EIF4G3: variants seen among roughly 807,000 people sequenced by gnomAD.
EIF4G3 encodes eukaryotic translation initiation factor 4 gamma 3, also known as eIF-4-gamma 3.
A neutral mutation model predicts 186.4 loss-of-function variants in EIF4G3; 34 were observed. The observed-to-expected ratio is 0.18, with a 90% CI of 0.14 to 0.24. The LOEUF (loss-of-function observed/expected upper bound fraction) is 0.24. Among genes scored for constraint, EIF4G3 ranks in the 10% least tolerant of loss-of-function variants. The probability of loss-of-function intolerance (pLI) is 1.00; values close to 1 mark genes in which losing one functional copy is unlikely to be tolerated. For missense variants in EIF4G3, 1,536 were observed against 1,948.5 expected, an observed-to-expected ratio of 0.79 and a Z score of 3.99; for synonymous variants, 673 against 679.5, an observed-to-expected ratio of 0.99 and a Z score of 0.15.
intron 4 of EIF4G3, among the ~76,000 whole-genome samples, chr1:21,021,555 CTTTT>C (rs939395025): frequency 6.6e-6 from 1 of 151,068 alleles, no homozygotes; most frequent in Non-Finnish European, 1.5e-5. Context: ...TTCTTTCTTT[CTTTT>C]TTTTTCTTTA....
intron 4 of EIF4G3, among the ~76,000 whole-genome samples, chr1:21,040,667 T>G (rs924010107): frequency 6.6e-6 from 1 of 152,210 alleles, no homozygotes; most frequent in Non-Finnish European, 1.5e-5. Flanking sequence ...ATTTGACCAA[T>G]GAATTGAGAT....
At chr1:20,930,146 A>G (rs557986467) in intron 14 of EIF4G3, among the ~76,000 whole-genome samples, 34 of 152,328 alleles carry the variant, frequency 2.2e-4, no homozygotes, top group African/African-American at 7.9e-4. Flanking sequence ...GCCCTCAGCA[A>G]GGTGTAATCT....
intron 7 of EIF4G3, among the ~76,000 whole-genome samples, chr1:20,982,812 G>C (rs1422600384): frequency 1.3e-5 from 2 of 152,084 alleles, no homozygotes; most frequent in African/African-American, 4.8e-5. Flanking sequence ...TGCCATCTGT[G>C]TCATTTGTTA....
intron 3 of EIF4G3, among the ~76,000 whole-genome samples, chr1:21,075,694 A>T (rs1173642032): frequency 6.6e-6 from 1 of 151,706 alleles, no homozygotes; most frequent in Non-Finnish European, 1.5e-5. Context: ...CCTGCCTTAT[A>T]AAACAGGTTA....
intron 24 of EIF4G3, among the ~76,000 whole-genome samples, chr1:20,858,172 C>T (rs903411869): frequency 3.9e-5 from 6 of 152,118 alleles, no homozygotes; most frequent in African/African-American, 9.7e-5. Context: ...GTACAAAATT[C>T]GTCACTTTTT....
At chr1:20,874,481 G>A (rs2080183486) in intron 20 of EIF4G3, among the ~76,000 whole-genome samples, 1 of 152,118 alleles carries the variant, frequency 6.6e-6, no homozygotes, top group Non-Finnish European at 1.5e-5. Flanking sequence ...ATTTTGAGAA[G>A]TGCTGTCATT....
intron 4 of EIF4G3, among the ~76,000 whole-genome samples, chr1:21,038,777 TAAGTTCTTTATTA>T (rs139519387): frequency 0.33 from 50,755 of 152,038 alleles, 9,207 homozygotes; most frequent in Non-Finnish European, 0.41. Context: ...AAGTTATGTA[TAAGTTCTTTATTA>T]AGGTGAATAC....
chr1:21,141,920 G>A (rs978389774), intron 2 of EIF4G3, among the ~76,000 whole-genome samples: 3 of 151,632 alleles, frequency 2.0e-5, no homozygotes, highest in African/African-American at 7.3e-5. Flanking sequence ...GTGCAACAGA[G>A]CAAGACCCTG....
chr1:21,002,839 T>C, intron 4 of EIF4G3, 31 bp from the exon 5 acceptor site: 1 of 1,333,884 alleles, frequency 7.5e-7, no homozygotes, highest in Non-Finnish European at 1.1e-6. Context: ...CAATATAATA[T>C]TTTGAAAAAA....
chr1:21,115,143 T>C (rs1325539816), intron 2 of EIF4G3, among the ~76,000 whole-genome samples: 1 of 152,194 alleles, frequency 6.6e-6, no homozygotes, highest in Admixed American at 6.5e-5. Context: ...CTTCAAAAAC[T>C]TTTCCTTTGC....
chr1:20,890,034 G>A (rs549368148), intron 18 of EIF4G3, among the ~76,000 whole-genome samples: 21 of 149,618 alleles, frequency 1.4e-4, no homozygotes, highest in Non-Finnish European at 3.1e-4. Flanking sequence ...GTGCAGTGGC[G>A]TGATCTTGGC....
At chr1:21,089,042 T>G in intron 3 of EIF4G3, 96 bp downstream of exon 3, 1 of 644,676 alleles carries the variant, frequency 1.6e-6, no homozygotes, top group Non-Finnish European at 2.8e-6. Context: ...TGCCAAAAAT[T>G]TGTCATGTGT....
intron 30 of EIF4G3, among the ~76,000 whole-genome samples, chr1:20,836,421 A>T (rs2066780835): frequency 6.6e-6 from 1 of 150,520 alleles, no homozygotes; most frequent in Non-Finnish European, 1.5e-5. Flanking sequence ...TTTTTTGTTA[A>T]TTTTTTTTAC....
At chr1:21,059,187 T>A (rs532848899) in intron 3 of EIF4G3, among the ~76,000 whole-genome samples, 7 of 152,250 alleles carry the variant, frequency 4.6e-5, no homozygotes, top group African/African-American at 1.7e-4. Flanking sequence ...AAAGTTTATT[T>A]AGTGAGGTCA....
intron 33 of EIF4G3, among the ~76,000 whole-genome samples, chr1:20,820,416 C>A (rs988321798): frequency 2.6e-5 from 4 of 152,226 alleles, no homozygotes; most frequent in African/African-American, 7.2e-5. Flanking sequence ...CCTGTCCCTG[C>A]AGGCTCAGAG....
chr1:20,926,995 C>T (rs958083881), intron 14 of EIF4G3, among the ~76,000 whole-genome samples: 5 of 148,936 alleles, frequency 3.4e-5, no homozygotes, highest in Admixed American at 2.7e-4. Flanking sequence ...GAGGAATTAT[C>T]AGAATAGAAA....
Position 20,941,550 on chromosome 1 carries a change from C to T in EIF4G3, c.1604G>A (p.Gly535Glu), listed in dbSNP as rs998275810. ...AGAATCCAAAATCTCTTCTGTTTGCCCATCTGCTTCTACCTCTATTTTGTT... is the reference window on the plus strand; with the variant it reads ...AGAATCCAAAATCTCTTCTGTTTGCTCATCTGCTTCTACCTCTATTTTGTT... ...IQNKIEVEADGQTEEILDSQN... is the reference protein window; with the variant it reads ...IQNKIEVEADEQTEEILDSQN... The change falls in exon 14 of 37, where the codon GGG becomes GAG. Residue 535 changes from glycine (G) to glutamate (E), a missense_variant. By Grantham distance (98) the Gly-to-Glu change is moderately conservative (BLOSUM62 -2). This residue lies in a region of EIF4G3 where 560 missense variants were observed against 547.8 expected (regional missense o/e 1.02). Transcript: ENST00000602326. 2.5e-6 allele frequency: 4 copies of T among 1,613,228 alleles called. No homozygotes were observed. In the African/African-American group the frequency reaches 4.0e-5, roughly 16 times the overall value.
intron 11 of EIF4G3, among the ~76,000 whole-genome samples, chr1:20,970,217 T>G (rs567873235): frequency 6.6e-6 from 1 of 152,364 alleles, no homozygotes; most frequent in South Asian, 2.1e-4. Context: ...AATAATTTAT[T>G]CTGACAACAA....
intron 12 of EIF4G3, among the ~76,000 whole-genome samples, chr1:20,958,437 T>C (rs1293930244): frequency 6.6e-6 from 1 of 152,056 alleles, no homozygotes; most frequent in Non-Finnish European, 1.5e-5. Context: ...CCACAGCCAA[T>C]ATCATACTGA....
Sources: allele counts gnomAD v4.1 joint callset (sites outside exome capture counted in the v4.1 genomes callset), GRCh38; gene constraint gnomAD v4.1.1; regional missense constraint gnomAD v4.1.1; transcripts MANE v1.5; gene names NCBI Gene and HGNC (gene_info 2026-07-23, HGNC 2026-07-21).